The following BRS3 variants were observed in gnomAD, a reference collection of about 807,000 sequenced individuals.
The protein encoded by BRS3 is bombesin receptor subtype-3.
A neutral mutation model predicts 18.8 loss-of-function variants in BRS3; 5 were observed. That is an observed-to-expected ratio of 0.27 (90% CI 0.14 to 0.56). BRS3 has a LOEUF of 0.56. Ranked by LOEUF, BRS3 falls within the 20% of genes least tolerant of loss-of-function variation. BRS3 has a pLI of 0.93. For synonymous variants in BRS3, 121 were observed against 115.0 expected, an observed-to-expected ratio of 1.05 and a Z score of -0.33; for missense variants, 215 against 296.3, an observed-to-expected ratio of 0.73 and a Z score of 2.01.
intron 2 of BRS3, 86 bp from the exon 3 acceptor site, chrX:136,491,876 T>G: frequency 1.1e-6 from 1 of 942,381 alleles, no homozygotes; most frequent in Admixed American, 4.5e-5. Flanking sequence ...CTCTCACAGC[T>G]AAATGTTTTG....
At chrX:136,489,629 G>C (rs2075662982) in intron 1 of BRS3, among the ~76,000 whole-genome samples, 1 of 111,360 alleles carries the variant, frequency 9.0e-6, no homozygotes, top group Non-Finnish European at 1.9e-5. Flanking sequence ...ACTTACAAAC[G>C]GGGAAGAAAT....
At chrX:136,489,983 C>A in intron 1 of BRS3, 150 bp from the exon 2 acceptor site, 1 of 406,172 alleles carries the variant, frequency 2.5e-6, no homozygotes, top group Non-Finnish European at 4.2e-6. Context: ...GCATTTAAAA[C>A]CATAGCCAAT....
rs1023245629 is a variant in BRS3, at chrX:136,492,491, G to A, written c.*116G>A. 4.0e-6 allele frequency: 3 copies of A among 740,770 alleles called. No individual in the cohort carries two copies. The highest frequency in any genetic ancestry group is 6.6e-5 in the South Asian group (2 of 30,331). 61.0% of individuals were successfully genotyped at this position (740,770 alleles called of 1,213,427 possible). ...TGAAAAGTGTGTTGAAATCTTAGGA[G>A]TGAAGGATCCCTATAAGTAAGTAAA... On this transcript the variant is annotated 3_prime_UTR_variant, in exon 3 of 3. Transcript: ENST00000370648.
At chrX:136,490,646 C>T (rs1360837343) in intron 2 of BRS3, among the ~76,000 whole-genome samples, 162 bp downstream of exon 2, 2 of 112,395 alleles carry the variant, frequency 1.8e-5, no homozygotes, top group East Asian at 2.8e-4. Context: ...AGTTCTATCA[C>T]GTACTAGCTG....
chrX:136,491,118 C>T (rs1317397795), intron 2 of BRS3, among the ~76,000 whole-genome samples: 1 of 111,491 alleles, frequency 9.0e-6, no homozygotes, highest in Non-Finnish European at 1.9e-5. Flanking sequence ...TAAATATGGA[C>T]AGAATAAAAG....
At position 136,492,627 on chromosome X, in the gene BRS3, G is replaced by T; in HGVS notation, c.*252G>T. 3.4e-6 allele frequency: 1 copy of T among 292,497 alleles called. No homozygotes were observed. Among genetic ancestry groups the T allele is most frequent in the East Asian group, 5.1e-5 (1 of 19,467 alleles). 24.1% of individuals were successfully genotyped at this position (292,497 alleles called of 1,213,427 possible). On this transcript the variant is annotated 3_prime_UTR_variant, in exon 3 of 3. Coordinates refer to ENST00000370648, the MANE Select transcript of BRS3 (RefSeq NM_001727.2). Reference sequence around the variant, plus strand: ...ACAAGTTTATATATGCCAGTGAATCGTAAGGGAAGTCAAATGGGAAGGAAG... The same window carrying T: ...ACAAGTTTATATATGCCAGTGAATCTTAAGGGAAGTCAAATGGGAAGGAAG...
chrX:136,488,021 T>C lies in BRS3; in HGVS notation c.-94T>C. ...ATTCTGTTCTGTTCTGTTCTCCTAA[T>C]ACCATCTCGTTACTAGACGTAGGCA... On this transcript the variant is annotated 5_prime_UTR_variant, in exon 1 of 3. Coordinates refer to ENST00000370648, the MANE Select transcript of BRS3 (RefSeq NM_001727.2). The C allele has an allele frequency of 2.4e-6, 2 of 843,409 alleles. No homozygotes were observed. Among genetic ancestry groups the C allele is most frequent in the South Asian group, 2.6e-5 (1 of 38,193 alleles). 69.5% of individuals were successfully genotyped at this position (843,409 alleles called of 1,213,427 possible). A position where few individuals can be genotyped will look rare whatever the true frequency, so the allele number is the denominator to read the frequency against.
chrX:136,490,413 T>C lies in BRS3; in HGVS notation c.715T>C (p.Leu239=). Residue 239 remains leucine (L), a synonymous_variant, in exon 2 of 3, where the codon TTG becomes CTG. Coordinates refer to ENST00000370648, the MANE Select transcript of BRS3 (RefSeq NM_001727.2). The part of the protein sequence containing the change: ...PLSIISVYYS[L]IARTLYKSTL... ...CTCTATTATCTCTGTCTACTATTCC[T>C]TGATTGCTAGGACCCTTTACAAAAG... The C allele has an allele frequency of 8.3e-7, 1 of 1,206,818 alleles. No homozygotes were observed. Among genetic ancestry groups the C allele is most frequent in the Non-Finnish European group, 1.1e-6 (1 of 891,991 alleles).
chrX:136,490,115 CT>C lies in BRS3; in HGVS notation c.435-17del. 1 of 1,156,276 alleles carries C rather than the reference CT, an allele frequency of 8.6e-7. No individual in the cohort carries two copies. Among genetic ancestry groups the C allele is most frequent in the Non-Finnish European group, 1.2e-6 (1 of 864,415 alleles). ...TTGACATTTATTTGGACCTTTGCCT[CT>C]GATTATGTGTTTCTAGATACAAGGC... On this transcript the variant is annotated splice_polypyrimidine_tract_variant and intron_variant, in intron 1 of 2. Transcript: ENST00000370648.
chrX:136,490,065 CTT>C, intron 1 of BRS3, 66 bp from the exon 2 acceptor site: 2 of 935,810 alleles, frequency 2.1e-6, no homozygotes, highest in East Asian at 6.3e-5. Flanking sequence ...ACTAAGGTCA[CTT>C]CTCACCCTAA....
Position 136,490,179 on chromosome X carries a change from A to G in BRS3, c.481A>G (p.Ile161Val). ...ACTTGAGCGACAGCCCTCCAATGCC[A>G]TCCTGAAGACTTGTGTAAAAGCTGG... ...KPLERQPSNA[I>V]LKTCVKAGCV... The change falls in exon 2 of 3, where the codon ATC (isoleucine) becomes GTC (valine). Residue 161 changes from isoleucine to valine, a missense_variant. Coordinates refer to ENST00000370648, the MANE Select transcript of BRS3 (RefSeq NM_001727.2). 8.3e-7 allele frequency: 1 copy of G among 1,209,089 alleles called. No homozygotes were observed. The highest frequency in any genetic ancestry group is 1.1e-6 in the Non-Finnish European group (1 of 893,453).
chrX:136,489,802 C>T (rs779835683), intron 1 of BRS3, among the ~76,000 whole-genome samples: 3 of 111,112 alleles, frequency 2.7e-5, no homozygotes, highest in Non-Finnish European at 3.8e-5. Flanking sequence ...AGGTAATACA[C>T]AGGTGGTGAA....
chrX:136,488,211 A>G lies in BRS3; in HGVS notation c.97A>G (p.Asn33Asp). ...CTCTGTGGTTTCTAACGATAACACA[A>G]ATAAAGGATGGAGCGGGGACAACTC... ...SSSVVSNDNT[N>D]KGWSGDNSPG... is the part of the protein sequence containing the mutation. Residue 33 changes from asparagine (N) to aspartate (D), a missense_variant, in exon 1 of 3, where the codon AAT becomes GAT. Transcript: ENST00000370648. 1 of 1,211,843 alleles carries G rather than the reference A, an allele frequency of 8.3e-7. No individual in the cohort carries two copies. Among genetic ancestry groups the G allele is most frequent in the Non-Finnish European group, 1.1e-6 (1 of 895,409 alleles).
chrX:136,490,111 G>T, intron 1 of BRS3, 22 bp from the exon 2 acceptor site: 1 of 1,148,762 alleles, frequency 8.7e-7, no homozygotes. Flanking sequence ...TTGGACCTTT[G>T]CCTCTGATTA....
intron 1 of BRS3, among the ~76,000 whole-genome samples, chrX:136,489,298 A>C (rs1047214972): frequency 8.9e-6 from 1 of 111,771 alleles, no homozygotes; most frequent in East Asian, 2.8e-4. Flanking sequence ...ACATGAAAAA[A>C]TTTGAGGCTC....
At position 136,492,230 on chromosome X, in the gene BRS3, G is replaced by A. The variant is rs146330563; in HGVS notation, c.1055G>A (p.Arg352Gln). 2.4e-5 allele frequency: 29 copies of A among 1,209,651 alleles called. No homozygotes were observed. Among genetic ancestry groups the A allele is most frequent in the Middle Eastern group, 2.3e-4 (1 of 4,376 alleles). Residue 352 changes from arginine to glutamine, a missense_variant, in exon 3 of 3, where the codon CGG becomes CAG. This residue lies in a region of BRS3 where 45 missense variants were observed against 45.5 expected (regional missense o/e 0.99). Transcript: ENST00000370648. ...KAQLFCCKAE[R>Q]PEPPVADTSL... ...CAGTTGTTCTGTTGCAAGGCGGAGC[G>A]GCCTGAGCCTCCTGTTGCTGACACC... is the stretch of plus-strand genomic sequence containing the variant.
intron 1 of BRS3, among the ~76,000 whole-genome samples, chrX:136,489,671 G>A (rs2075663086): frequency 1.8e-5 from 2 of 111,058 alleles, no homozygotes; most frequent in Non-Finnish European, 3.8e-5. Flanking sequence ...ATAAACCCTT[G>A]GAATTCTCTT....
rs1292292122 is a variant in BRS3 at position 136,488,505 on chromosome X, G to A, written c.391G>A (p.Val131Ile). The change falls in exon 1 of 3, where the codon GTT (valine) becomes ATT (isoleucine). Residue 131 changes from valine to isoleucine, a missense_variant. By Grantham distance (29) the Val-to-Ile change is conservative. Transcript: ENST00000370648. ...KVLSFIRLTS[V>I]GVSVFTLTIL... ...GCTCTCTTTCATCCGGCTCACTTCT[G>A]TTGGTGTGTCAGTGTTCACATTAAC... 1.7e-6 allele frequency: 2 copies of A among 1,211,431 alleles called. No individual in the cohort carries two copies. Among genetic ancestry groups the A allele is most frequent in the African/African-American group, 1.7e-5 (1 of 57,830 alleles).
Position 136,492,630 on chromosome X carries a change from AG to A in BRS3, c.*258del. On this transcript the variant is annotated 3_prime_UTR_variant, in exon 3 of 3. Coordinates refer to ENST00000370648, the MANE Select transcript of BRS3 (RefSeq NM_001727.2). ...AGTTTATATATGCCAGTGAATCGTA[AG>A]GGAAGTCAAATGGGAAGGAAGGTGT... 1 of 292,890 alleles carries A rather than the reference AG, an allele frequency of 3.4e-6. No individual in the cohort carries two copies. The allele number at this position is 292,890 out of a possible 1,213,427, so 24.1% of individuals were successfully genotyped here.
Sources: gnomAD v4.1 joint callset for allele counts (sites outside exome capture counted in the v4.1 genomes callset) on GRCh38, gnomAD v4.1.1 for gene constraint, gnomAD v4.1.1 regional missense constraint, MANE v1.5 for transcripts, NCBI Gene and HGNC (gene_info 2026-07-23, HGNC 2026-07-21) for gene names.